The following EPB41L2 variants were observed in gnomAD, a reference collection of about 807,000 sequenced individuals.
The protein encoded by EPB41L2 is band 4.1-like protein 2.
EPB41L2 carries 43 observed loss-of-function variants against 113.0 expected under a neutral mutation model. The ratio of observed to expected loss-of-function variants is 0.38; its 90% CI spans 0.30 to 0.49. The LOEUF is 0.49. EPB41L2 is among the 20% of genes least tolerant of loss of function. The probability of loss-of-function intolerance (pLI) is 0.95; values close to 1 mark genes in which losing one functional copy is unlikely to be tolerated. For missense variants in EPB41L2, 1,147 were observed against 1,223.4 expected, an observed-to-expected ratio of 0.94 and a Z score of 0.93; for synonymous variants, 442 against 436.7, an observed-to-expected ratio of 1.01 and a Z score of -0.15.
chr6:130,934,021 A>C (rs1028517939), intron 3 of EPB41L2, among the ~76,000 whole-genome samples: 4 of 152,210 alleles, frequency 2.6e-5, no homozygotes, highest in Non-Finnish European at 5.9e-5. Flanking sequence ...CACTAGCTCC[A>C]AACAACACTA....
intron 1 of EPB41L2, among the ~76,000 whole-genome samples, chr6:131,032,987 T>C (rs1480177073): frequency 6.6e-6 from 1 of 152,184 alleles, no homozygotes; most frequent in Non-Finnish European, 1.5e-5. Flanking sequence ...GCAATTCTCC[T>C]GCCTCAGCCT....
intron 4 of EPB41L2, among the ~76,000 whole-genome samples, chr6:130,924,138 C>A (rs987703717): frequency 6.6e-6 from 1 of 152,138 alleles, no homozygotes; most frequent in Non-Finnish European, 1.5e-5. Flanking sequence ...ATCCATGATA[C>A]AACATGTGAC....
chr6:130,874,752 A>G (rs752615708), intron 14 of EPB41L2, among the ~76,000 whole-genome samples: 1 of 152,222 alleles, frequency 6.6e-6, no homozygotes, highest in African/African-American at 2.4e-5. Context: ...ATTTCACATT[A>G]ACATCACTTT....
chr6:130,952,391 G>A (rs1395907284), intron 3 of EPB41L2, among the ~76,000 whole-genome samples: 1 of 107,340 alleles, frequency 9.3e-6, no homozygotes, highest in East Asian at 2.1e-4. Context: ...AAGAAACTGT[G>A]ACTCAGGAGG....
rs760766264 is a variant in EPB41L2 at position 130,880,422 on chromosome 6, G to C, written c.1834-216C>G. ...AATACTAATGGCAGGCAGCAGTCAT[G>C]AGATGTTTAACTTTAGGGAAAACTC... On this transcript the variant is annotated intron_variant, in intron 12 of 19. Coordinates refer to ENST00000337057, the MANE Select transcript of EPB41L2 (RefSeq NM_001431.4). 7 of 632,164 alleles carry C rather than the reference G, an allele frequency of 1.1e-5. No individual in the cohort carries two copies. In the South Asian group the frequency reaches 1.3e-4, roughly 12 times the overall value. The allele number at this position is 632,164 out of a possible 1,614,324, so 39.2% of individuals were successfully genotyped here.
intron 1 of EPB41L2, among the ~76,000 whole-genome samples, chr6:131,038,899 C>T (rs1020326742): frequency 3.3e-5 from 5 of 152,146 alleles, no homozygotes; most frequent in African/African-American, 9.7e-5. Context: ...GGGGAAAAAA[C>T]TTACAAAACT....
rs368626419 is a variant in EPB41L2, at chr6:130,878,196, G to C, written c.1951C>G (p.Leu651Val). 4.5e-5 allele frequency: 73 copies of C among 1,613,270 alleles called. No homozygotes were observed. The highest frequency in any genetic ancestry group is 8.5e-6 in the Non-Finnish European group (10 of 1,179,800). The change falls in exon 14 of 20, where the codon CTC becomes GTC. Residue 651 changes from leucine to valine, a missense_variant. Coordinates refer to ENST00000337057, the MANE Select transcript of EPB41L2 (RefSeq NM_001431.4). Reference protein sequence around the residue: ...ILKHQASISELKRNFMESTPE... With the variant: ...ILKHQASISEVKRNFMESTPE... ...GTGGATTCCATAAAATTGCGCTTGA[G>C]TTCACTAATGCTAGCCTGATGTTTC...
chr6:130,872,392 C>T (rs912483588), intron 14 of EPB41L2: 14 of 1,288,610 alleles, frequency 1.1e-5, no homozygotes, highest in Non-Finnish European at 1.3e-5. Flanking sequence ...GTGAGAAGGG[C>T]GAGGAAGAAA....
At chr6:130,854,961 C>T (rs879813019) in intron 19 of EPB41L2, among the ~76,000 whole-genome samples, 12 of 152,078 alleles carry the variant, frequency 7.9e-5, no homozygotes, top group Admixed American at 1.3e-4. Flanking sequence ...TTGCTTGAAC[C>T]GAGGAGGCAG....
chr6:131,046,872 C>T (rs1295447284), intron 1 of EPB41L2, among the ~76,000 whole-genome samples: 1 of 152,072 alleles, frequency 6.6e-6, no homozygotes, highest in African/African-American at 2.4e-5. Flanking sequence ...TAAATTATAC[C>T]CTAATGCAAT....
chr6:130,933,091 G>A (rs1807472281), intron 3 of EPB41L2, among the ~76,000 whole-genome samples: 3 of 152,198 alleles, frequency 2.0e-5, no homozygotes, highest in African/African-American at 7.2e-5. Flanking sequence ...AAGCCAATCT[G>A]CCCCTTCCTC....
At chr6:130,969,469 T>C (rs1462948219) in intron 1 of EPB41L2, among the ~76,000 whole-genome samples, 1 of 152,148 alleles carries the variant, frequency 6.6e-6, no homozygotes, top group Non-Finnish European at 1.5e-5. Context: ...TTCCCAAGTC[T>C]GGATGTCAGA....
chr6:130,933,954 A>G (rs1807859546), intron 3 of EPB41L2, among the ~76,000 whole-genome samples: 2 of 152,130 alleles, frequency 1.3e-5, no homozygotes, highest in South Asian at 4.1e-4. Flanking sequence ...TGAGGAGACG[A>G]TGATGGGAAG....
At chr6:130,958,320 C>T (rs1204024700) in intron 1 of EPB41L2, among the ~76,000 whole-genome samples, 1 of 152,014 alleles carries the variant, frequency 6.6e-6, no homozygotes, top group African/African-American at 2.4e-5. Flanking sequence ...AGCGTGGTGG[C>T]ACGTCTCTGT....
At chr6:131,024,733 C>T (rs368437462) in intron 1 of EPB41L2, among the ~76,000 whole-genome samples, 1 of 152,206 alleles carries the variant, frequency 6.6e-6, no homozygotes, top group African/African-American at 2.4e-5. Context: ...ACTGGGTAGT[C>T]ACAGATCGTA....
intron 1 of EPB41L2, among the ~76,000 whole-genome samples, chr6:131,025,834 T>C (rs1790741099): frequency 6.6e-6 from 1 of 152,178 alleles, no homozygotes; most frequent in Non-Finnish European, 1.5e-5. Context: ...TTTACTTCCC[T>C]GCCAGCAATC....
intron 1 of EPB41L2, among the ~76,000 whole-genome samples, chr6:131,034,494 T>C (rs1317931390): frequency 6.6e-6 from 1 of 152,220 alleles, no homozygotes; most frequent in East Asian, 1.9e-4. Context: ...ATGGCGCCAC[T>C]CCACTCCAGC....
chr6:130,872,595 A>C lies in EPB41L2; in HGVS notation c.2044-2469T>G, dbSNP rs368422294. The C allele has an allele frequency of 1.9e-4, 218 of 1,172,484 alleles. 3 individuals are homozygous for C. In the South Asian group the frequency reaches 2.9e-3, roughly 15 times the overall value. The allele number at this position is 1,172,484 out of a possible 1,614,324, so 72.6% of individuals were successfully genotyped here. ...TTAGCAATAAGTCAGAACAGACAGCAGTGACCTATTGGAAGAAAGGAAAGG... is the reference window on the plus strand; with the variant it reads ...TTAGCAATAAGTCAGAACAGACAGCCGTGACCTATTGGAAGAAAGGAAAGG... On this transcript the variant is annotated intron_variant, in intron 14 of 19. Transcript: ENST00000337057.
chr6:130,885,312 T>TTTATGGAAGTC (rs775101691), intron 11 of EPB41L2, 44 bp from the exon 12 acceptor site: 3 of 1,598,504 alleles, frequency 1.9e-6, no homozygotes, highest in Admixed American at 1.7e-5. Flanking sequence ...GACATATGAA[T>TTTATGGAAGTC]CATAAACTTT....
Sources: allele counts gnomAD v4.1 joint callset (sites outside exome capture counted in the v4.1 genomes callset), GRCh38; gene constraint gnomAD v4.1.1; transcripts MANE v1.5; gene names NCBI Gene and HGNC (gene_info 2026-07-23, HGNC 2026-07-21).